The following EFCAB6 variants were observed in gnomAD, a reference collection of about 807,000 sequenced individuals.
EFCAB6 encodes the protein EF-hand calcium binding domain 6.
A neutral mutation model predicts 169.8 loss-of-function variants in EFCAB6; 156 were observed. The observed-to-expected ratio is 0.92, with a 90% CI of 0.81 to 1.05. The LOEUF is 1.05. Ranked by LOEUF, EFCAB6 falls within the 50% of genes least tolerant of loss-of-function variation. The probability of loss-of-function intolerance (pLI) is 0.00; values close to 1 mark genes in which losing one functional copy is unlikely to be tolerated. For synonymous variants in EFCAB6, 698 were observed against 676.4 expected (o/e 1.03, Z -0.50); for missense variants, 1,800 against 1,829.1 (o/e 0.98, Z 0.29).
At chr22:43,784,547 A>ACATATACACATATATG (rs2061956749) in intron 2 of EFCAB6, among the ~76,000 whole-genome samples, 2 of 81,092 alleles carry the variant, frequency 2.5e-5, no homozygotes, top group African/African-American at 4.1e-5. Flanking sequence ...GTGTGTGTAT[A>ACATATACACATATATG]TGTATATATA....
At position 43,795,734 on chromosome 22, in the gene EFCAB6, A is replaced by G. The variant is rs2062481826; in HGVS notation, c.-8+13261T>C. Among the ~76,000 whole-genome samples, 1 of 152,042 alleles carries G rather than the reference A, an allele frequency of 6.6e-6. No homozygotes were observed. The highest frequency in any genetic ancestry group is 1.9e-4 in the East Asian group (1 of 5,186). ...TACACCACTCTACCCCCAGCCCCGA[A>G]GTACTCAGCACGTAACTGCTGCTCC... On this transcript the variant is annotated intron_variant, in intron 2 of 31. Transcript: ENST00000262726. This position sits in a 1 kb window ranked among gnomAD's most constrained non-coding sequence, Gnocchi z 4.2.
At chr22:43,699,519 A>G (rs1322356539) in intron 10 of EFCAB6, among the ~76,000 whole-genome samples, 1 of 152,098 alleles carries the variant, frequency 6.6e-6, no homozygotes, top group African/African-American at 2.4e-5. Context: ...ATAAACTCAC[A>G]TCAGTCACTC....
At chr22:43,759,242 G>A (rs1416211043) in intron 5 of EFCAB6, 1 of 152,162 alleles carries the variant, frequency 6.6e-6, no homozygotes, top group Non-Finnish European at 1.5e-5. Flanking sequence ...CTGATACCTA[G>A]ACTGCCAAAG....
At position 43,618,101 on chromosome 22, in the gene EFCAB6, CA is replaced by C. The variant is rs1221220610; in HGVS notation, c.2466-2180del. 4.6e-4 allele frequency among the ~76,000 whole-genome samples: 34 copies of C among 73,390 alleles called. No individual in the cohort carries two copies. In the South Asian group the frequency reaches 0.011, roughly 23 times the overall value. The allele number at this position is 73,390 out of a possible 152,430, so 48.1% of individuals were successfully genotyped here. On this transcript the variant is annotated intron_variant, in intron 20 of 31. Coordinates refer to ENST00000262726, the MANE Select transcript of EFCAB6 (RefSeq NM_022785.4). Reference sequence around the variant, plus strand: ...TGGGTGACAGAGTGAGACTCCATCTCAAAAAAAAAATCTCAAAAAAAAAAAA... The same window carrying C: ...TGGGTGACAGAGTGAGACTCCATCTCAAAAAAAAATCTCAAAAAAAAAAAA...
chr22:43,555,192 G>T, intron 26 of EFCAB6, 96 bp from the exon 27 acceptor site: 1 of 1,314,726 alleles, frequency 7.6e-7, no homozygotes, highest in Non-Finnish European at 1.1e-6. Flanking sequence ...GGGAGACCCA[G>T]CGTGGTGGGG....
chr22:43,643,694 G>C (rs140180581), intron 17 of EFCAB6, among the ~76,000 whole-genome samples: 2 of 152,356 alleles, frequency 1.3e-5, no homozygotes, highest in South Asian at 4.1e-4. Flanking sequence ...GACACACTAG[G>C]TTTGTTTCTT....
intron 8 of EFCAB6, among the ~76,000 whole-genome samples, chr22:43,719,007 T>C (rs993124047): frequency 1.3e-5 from 2 of 152,160 alleles, no homozygotes; most frequent in African/African-American, 2.4e-5. Flanking sequence ...AGTCCACCTG[T>C]GACACTGGTA....
intron 22 of EFCAB6, among the ~76,000 whole-genome samples, chr22:43,601,316 C>T (rs1180269670): frequency 6.6e-6 from 1 of 152,172 alleles, no homozygotes; most frequent in Non-Finnish European, 1.5e-5. Context: ...AATTTTAAGG[C>T]AAATTGCCAA....
intron 26 of EFCAB6, among the ~76,000 whole-genome samples, chr22:43,570,786 G>A (rs1449041901): frequency 6.6e-6 from 1 of 152,174 alleles, no homozygotes; most frequent in African/African-American, 2.4e-5. Context: ...AAAGACACAC[G>A]TCGCCTTCCC....
At chr22:43,585,744 A>T (rs2051024567) in intron 24 of EFCAB6, among the ~76,000 whole-genome samples, 1 of 152,152 alleles carries the variant, frequency 6.6e-6, no homozygotes, top group Non-Finnish European at 1.5e-5. Flanking sequence ...CAAAGAGAAA[A>T]TCTTGAAATA....
At chr22:43,691,503 GA>G (rs971246315) in intron 10 of EFCAB6, among the ~76,000 whole-genome samples, 1 of 151,830 alleles carries the variant, frequency 6.6e-6, no homozygotes, top group Non-Finnish European at 1.5e-5. Flanking sequence ...AAAAAAAGTA[GA>G]AAAAAATCTA....
intron 22 of EFCAB6, among the ~76,000 whole-genome samples, chr22:43,607,987 C>T (rs1024574737): frequency 4.6e-5 from 7 of 152,186 alleles, no homozygotes; most frequent in African/African-American, 1.4e-4. Context: ...AAGAGACCCT[C>T]GGGAAGCTAC....
chr22:43,699,765 T>C (rs530656225), intron 10 of EFCAB6, among the ~76,000 whole-genome samples: 65 of 152,326 alleles, frequency 4.3e-4, no homozygotes, highest in Non-Finnish European at 9.0e-4. Context: ...ACGGTTTCAA[T>C]AATAACTGAA....
In EFCAB6 at chr22:43,541,089, A is replaced by T. The variant is rs186013410; in HGVS notation, c.3649-732T>A. 1.1e-4 allele frequency among the ~76,000 whole-genome samples: 16 copies of T among 152,372 alleles called. No homozygotes were observed. In the East Asian group the frequency reaches 3.1e-3, roughly 29 times the overall value. ...TGATTTTTGCACAGCCCCAAAAACC[A>T]GACGGAGCCCCAGCCTCCAACACAG... On this transcript the variant is annotated intron_variant, in intron 27 of 31. Coordinates refer to ENST00000262726, the MANE Select transcript of EFCAB6 (RefSeq NM_022785.4).
intron 9 of EFCAB6, 45 bp from the exon 10 acceptor site, chr22:43,711,668 T>C (rs1201968186): frequency 6.4e-7 from 1 of 1,558,156 alleles, no homozygotes. Context: ...AAATATCAAC[T>C]TCATGGAGCT....
chr22:43,637,442 G>C (rs1306675342), intron 17 of EFCAB6, among the ~76,000 whole-genome samples: 1 of 152,260 alleles, frequency 6.6e-6, no homozygotes, highest in South Asian at 2.1e-4. Flanking sequence ...GTAAATAACA[G>C]ACAGTCTGAT....
At position 43,529,113 on chromosome 22, in the gene EFCAB6, T is replaced by G. The variant is rs532553671; in HGVS notation, c.4384-138A>C. 2.3e-5 allele frequency: 24 copies of G among 1,028,422 alleles called. 1 individual carries two copies. In the South Asian group the frequency reaches 3.8e-4, roughly 16 times the overall value. The allele number at this position is 1,028,422 out of a possible 1,614,324, so 63.7% of individuals were successfully genotyped here. ...CGATGTCAGCCTCCCATCTGTGCGCTCTCTCTATGCCCTCTCAACCTCTGC... is the reference window on the plus strand; with the variant it reads ...CGATGTCAGCCTCCCATCTGTGCGCGCTCTCTATGCCCTCTCAACCTCTGC... On this transcript the variant is annotated intron_variant, in intron 31 of 31. Coordinates refer to ENST00000262726, the MANE Select transcript of EFCAB6 (RefSeq NM_022785.4).
At chr22:43,703,612 G>A (rs568093475) in intron 10 of EFCAB6, among the ~76,000 whole-genome samples, 3 of 151,372 alleles carry the variant, frequency 2.0e-5, no homozygotes, top group East Asian at 1.9e-4. Flanking sequence ...ATAAAATTTG[G>A]AAAGCAATAC....
Position 43,626,551 on chromosome 22 carries a change from G to A in EFCAB6, c.2361C>T (p.Gly787=). The stretch of plus-strand genomic sequence containing the variant: ...TGACACTAAGTCTCAAGCCAAGAAG[G>A]CCAAGGAAGCGCTCAAACTCGTCGT... ...LKDDEFERFL[G]LLGLRLSVTL... is the part of the protein sequence containing the mutation. Residue 787 remains glycine (G), a synonymous_variant, in exon 20 of 32, where the codon GGC becomes GGT. Coordinates refer to ENST00000262726, the MANE Select transcript of EFCAB6 (RefSeq NM_022785.4). 6.2e-7 allele frequency: 1 copy of A among 1,614,164 alleles called. No homozygotes were observed. The highest frequency in any genetic ancestry group is 8.5e-7 in the Non-Finnish European group (1 of 1,180,050).
Sources: gnomAD v4.1 joint callset for allele counts (sites outside exome capture counted in the v4.1 genomes callset) on GRCh38, gnomAD v4.1.1 for gene constraint, Gnocchi (gnomAD v3.1) non-coding constraint, MANE v1.5 for transcripts, NCBI Gene and HGNC (gene_info 2026-07-23, HGNC 2026-07-21) for gene names.